Variants in WDFY3 observed in about 807,000 individuals in gnomAD.
WDFY3 encodes the protein WD repeat and FYVE domain-containing protein 3.
Under a neutral mutation model 409.6 loss-of-function variants are expected in WDFY3, and 66 were observed. That is an observed-to-expected ratio of 0.16 (90% CI 0.13 to 0.20). The LOEUF is 0.20. WDFY3 is among the 10% of genes least tolerant of loss of function. The probability of loss-of-function intolerance (pLI) is 1.00; values close to 1 mark genes in which losing one functional copy is unlikely to be tolerated. For synonymous variants in WDFY3, 1,521 were observed against 1,537.1 expected (o/e 0.99, Z 0.25); for missense variants, 3,031 against 4,298.1 (o/e 0.71, Z 8.24).
At chr4:84,944,746 C>G (rs1347642233) in intron 1 of WDFY3, among the ~76,000 whole-genome samples, 1 of 152,036 alleles carries the variant, frequency 6.6e-6, no homozygotes, top group Non-Finnish European at 1.5e-5. Context: ...GAGCCGAGAT[C>G]ACGCCACTGC....
intron 61 of WDFY3, among the ~76,000 whole-genome samples, chr4:84,689,511 C>T (rs1472095224): frequency 6.6e-6 from 1 of 152,128 alleles, no homozygotes; most frequent in Non-Finnish European, 1.5e-5. Context: ...TATGGCTTGC[C>T]TCAGGACCCA....
Position 84,831,436 on chromosome 4 carries a change from A to C in WDFY3, c.746T>G (p.Val249Gly). 6.2e-7 allele frequency: 1 copy of C among 1,610,752 alleles called. No individual in the cohort carries two copies. The highest frequency in any genetic ancestry group is 8.5e-7 in the Non-Finnish European group (1 of 1,178,432). The change falls in exon 8 of 68, where the codon GTC becomes GGC. Residue 249 changes from valine to glycine, a missense_variant. Around this residue, in one of 16 missense-constraint regions of WDFY3, gnomAD observed 1,322 missense variants for 1,697.9 expected, o/e 0.78. Coordinates refer to ENST00000295888, the MANE Select transcript of WDFY3 (RefSeq NM_014991.6). ...LMTISRHGLS[V>G]NVVKYIHEKE... ...ACCATGAATATACTTCACTACATTG[A>C]CACTAAGACCATGACGAGATATGGT...
At chr4:84,689,138 A>G (rs1247317651) in intron 61 of WDFY3, among the ~76,000 whole-genome samples, 1 of 152,238 alleles carries the variant, frequency 6.6e-6, no homozygotes, top group Non-Finnish European at 1.5e-5. Context: ...GGTGTAAATC[A>G]GTGTAAACTT....
At chr4:84,872,556 G>A (rs1477818616) in intron 3 of WDFY3, among the ~76,000 whole-genome samples, 6 of 151,756 alleles carry the variant, frequency 4.0e-5, no homozygotes, top group Admixed American at 2.0e-4. Flanking sequence ...AGAAAAGAAG[G>A]GAGGAAGAAC....
At chr4:84,816,052 C>T (rs1406360487) in intron 13 of WDFY3, among the ~76,000 whole-genome samples, 1 of 151,906 alleles carries the variant, frequency 6.6e-6, no homozygotes, top group Non-Finnish European at 1.5e-5. Flanking sequence ...TGCTTATTTT[C>T]TTTGATCTCT....
rs1424978068 is a variant in WDFY3, at chr4:84,766,160, A to G, written c.4970+92T>C. The G allele has an allele frequency of 2.7e-6, 4 of 1,493,028 alleles. No homozygotes were observed. The African/African-American group carries it at 4.2e-5, about 16-fold the overall frequency. The allele number at this position is 1,493,028 out of a possible 1,614,324, so 92.5% of individuals were successfully genotyped here. A position where few individuals can be genotyped will look rare whatever the true frequency, so the allele number is the denominator to read the frequency against. ...ATAAATTTCAGGGTTAAAAAAATCT[A>G]TTTAAAGTCAATGGCAATTCCTTCT... On this transcript the variant is annotated intron_variant, in intron 31 of 67. Transcript: ENST00000295888.
intron 24 of WDFY3, among the ~76,000 whole-genome samples, chr4:84,785,009 C>T (rs1349301168): frequency 2.0e-5 from 3 of 151,288 alleles, no homozygotes; most frequent in Non-Finnish European, 2.9e-5. Flanking sequence ...AATTATTTAT[C>T]GCATTGGCCT....
In WDFY3 at chr4:84,898,135, T is replaced by A. The variant is rs531318433; in HGVS notation, c.-131-1125A>T. ...TATATGAAGTAAAAAATCTAGTTCCTCAGTTGCAGACACTTTTGAAGTGCT... is the reference window on the plus strand; with the variant it reads ...TATATGAAGTAAAAAATCTAGTTCCACAGTTGCAGACACTTTTGAAGTGCT... On this transcript the variant is annotated intron_variant, in intron 2 of 67. Transcript: ENST00000295888. 1.7e-3 allele frequency among the ~76,000 whole-genome samples: 264 copies of A among 152,334 alleles called. 1 individual carries two copies. Among genetic ancestry groups the A allele is most frequent in the Non-Finnish European group, 3.3e-3 (222 of 68,032 alleles).
In WDFY3 at chr4:84,705,520, C is replaced by T. The variant is rs758625123; in HGVS notation, c.8218-9G>A. 5 of 1,603,634 alleles carry T rather than the reference C, an allele frequency of 3.1e-6. No homozygotes were observed. Among genetic ancestry groups the T allele is most frequent in the Middle Eastern group, 1.6e-4 (1 of 6,072 alleles). ...TTAGTAAGATCCACCTCCTAAAATA[C>T]AAAATGTAACTCAATTCCAAGTTAC... On this transcript the variant is annotated splice_polypyrimidine_tract_variant and intron_variant, in intron 53 of 67. Transcript: ENST00000295888.
At chr4:84,831,284 C>T in intron 8 of WDFY3, 129 bp downstream of exon 8, 1 of 735,190 alleles carries the variant, frequency 1.4e-6, no homozygotes, top group Non-Finnish European at 1.9e-6. Context: ...ATTTTCTTTT[C>T]TCTGGGCAAA....
chr4:84,827,689 C>T (rs957285406), intron 9 of WDFY3, among the ~76,000 whole-genome samples: 1 of 152,114 alleles, frequency 6.6e-6, no homozygotes, highest in Admixed American at 6.6e-5. Context: ...TCAATTAATA[C>T]CCCTCTAGTA....
intron 1 of WDFY3, among the ~76,000 whole-genome samples, chr4:84,956,313 G>C (rs1029790408): frequency 2.0e-5 from 3 of 152,134 alleles, no homozygotes; most frequent in Non-Finnish European, 1.5e-5. Flanking sequence ...AAAGCTGAAA[G>C]AATCCATGTC....
intron 2 of WDFY3, among the ~76,000 whole-genome samples, chr4:84,919,200 T>C (rs923462672): frequency 1.3e-5 from 2 of 151,968 alleles, no homozygotes; most frequent in Non-Finnish European, 2.9e-5. Context: ...ATGTTAAGCA[T>C]TAAGGGAAAA....
At chr4:84,780,766 A>T (rs536053064) in intron 25 of WDFY3, among the ~76,000 whole-genome samples, 5 of 151,244 alleles carry the variant, frequency 3.3e-5, no homozygotes, top group Admixed American at 2.0e-4. Flanking sequence ...TCCCTCTCAA[A>T]AAATAAATAA....
At chr4:84,756,900 C>A in intron 33 of WDFY3, 26 bp downstream of exon 33, 1 of 1,599,032 alleles carries the variant, frequency 6.3e-7, no homozygotes. Flanking sequence ...CGTAATTTCA[C>A]GCACCCCTTG....
At chr4:84,734,238 T>C (rs891792564) in intron 43 of WDFY3, among the ~76,000 whole-genome samples, 16 of 152,136 alleles carry the variant, frequency 1.1e-4, no homozygotes, top group African/African-American at 3.9e-4. Flanking sequence ...TTCTTATCTA[T>C]CAAATGACAA....
rs1737618980 is a variant in WDFY3, at chr4:84,737,339, T to C, written c.6602A>G (p.Asn2201Ser). Residue 2201 changes from asparagine to serine, a missense_variant, in exon 41 of 68, where the codon AAC (asparagine) becomes AGC (serine). Transcript: ENST00000295888. ...EGRQLLIKAV[N>S]RVWTELIHSK... is the part of the protein sequence containing the mutation. ...ATGTATCAGTTCAGTCCAAACTCTG[T>C]TGACAGCTTTTATGAGAAGCTGACG... is the stretch of plus-strand genomic sequence containing the variant. The C allele has an allele frequency of 1.3e-6, 2 of 1,587,706 alleles. No homozygotes were observed. Among genetic ancestry groups the C allele is most frequent in the Non-Finnish European group, 1.7e-6 (2 of 1,167,722 alleles).
chr4:84,948,419 A>G (rs1773176628), intron 1 of WDFY3, among the ~76,000 whole-genome samples: 1 of 152,130 alleles, frequency 6.6e-6, no homozygotes, highest in African/African-American at 2.4e-5. Flanking sequence ...ACAATACTTA[A>G]TAGTATATAG....
At chr4:84,751,461 A>G in intron 36 of WDFY3, 22 bp downstream of exon 36, 1 of 1,608,158 alleles carries the variant, frequency 6.2e-7, no homozygotes, top group Non-Finnish European at 8.5e-7. Flanking sequence ...AAAGAGATGT[A>G]AATGCGTTTC....
Sources: allele counts gnomAD v4.1 joint callset (sites outside exome capture counted in the v4.1 genomes callset), GRCh38; gene constraint gnomAD v4.1.1; regional missense constraint gnomAD v4.1.1; transcripts MANE v1.5; gene names NCBI Gene and HGNC (gene_info 2026-07-23, HGNC 2026-07-21).